Variants in MAML2 observed in about 807,000 individuals in gnomAD.
MAML2 encodes the protein mastermind-like protein 2.
Under a neutral mutation model 96.1 loss-of-function variants are expected in MAML2, and 22 were observed. The observed-to-expected ratio is 0.23, with a 90% CI of 0.16 to 0.33. The LOEUF (loss-of-function observed/expected upper bound fraction) is 0.33. MAML2 is among the 10% of genes least tolerant of loss of function. The probability of loss-of-function intolerance (pLI) is 1.00; values close to 1 mark genes in which losing one functional copy is unlikely to be tolerated. For synonymous variants in MAML2, 561 were observed against 521.3 expected, an observed-to-expected ratio of 1.08 and a Z score of -1.04; for missense variants, 1,367 against 1,392.4, an observed-to-expected ratio of 0.98 and a Z score of 0.29.
chr11:96,319,013 T>C (rs1318719195), intron 1 of MAML2, among the ~76,000 whole-genome samples: 1 of 152,228 alleles, frequency 6.6e-6, no homozygotes, highest in Non-Finnish European at 1.5e-5. Context: ...ACCAGTAGAA[T>C]ACGGCAGAAG....
In MAML2 at chr11:96,092,177, C is replaced by T. The variant is rs1315238143; in HGVS notation, c.1854G>A (p.Gln618=). Residue 618 remains glutamine, a synonymous_variant, in exon 2 of 5, where the codon CAG becomes CAA. Coordinates refer to ENST00000524717, the MANE Select transcript of MAML2 (RefSeq NM_032427.4). The surrounding 1 kb of genome is among the most constrained non-coding windows in gnomAD (Gnocchi z 4.1). ...GAGCTGAAATTGAACTCTGCTGTTG[C>T]TGTTGCTGTTGCTGTTGCTGCTGCT... The part of the protein sequence containing the change: ...QQQQQQQQQQ[Q]QQQSSISAQQ... 1 of 1,540,228 alleles carries T rather than the reference C, an allele frequency of 6.5e-7. No homozygotes were observed. The highest frequency in any genetic ancestry group is 2.0e-5 in the Admixed American group (1 of 49,726).
chr11:96,047,115 C>G (rs1858914259), intron 2 of MAML2, among the ~76,000 whole-genome samples: 1 of 152,124 alleles, frequency 6.6e-6, no homozygotes, highest in Non-Finnish European at 1.5e-5. Flanking sequence ...TGTGTTGTTC[C>G]TGGCCACTCA....
chr11:96,006,552 C>CTTT (rs61447709), intron 2 of MAML2, among the ~76,000 whole-genome samples: 1 of 144,764 alleles, frequency 6.9e-6, no homozygotes, highest in Non-Finnish European at 1.5e-5. Flanking sequence ...ATTGGAGTAT[C>CTTT]TTTTTTTTTT....
chr11:96,222,926 A>T (rs1271989064), intron 1 of MAML2, among the ~76,000 whole-genome samples: 1 of 152,166 alleles, frequency 6.6e-6, no homozygotes, highest in Non-Finnish European at 1.5e-5. Flanking sequence ...TATATTCATT[A>T]GTTATACTTT....
chr11:96,117,284 A>C (rs1239509877), intron 1 of MAML2, among the ~76,000 whole-genome samples: 1 of 140,314 alleles, frequency 7.1e-6, no homozygotes, highest in Non-Finnish European at 1.5e-5. Flanking sequence ...TCATGCTGCA[A>C]AGCTCTTTTT....
chr11:96,217,891 TTATGAAC>T (rs2135943915), intron 1 of MAML2, among the ~76,000 whole-genome samples: 1 of 152,342 alleles, frequency 6.6e-6, no homozygotes, highest in African/African-American at 2.4e-5. Flanking sequence ...ATTTTAGTGA[TTATGAAC>T]TATCTAGGCT....
At chr11:96,294,723 G>A (rs774537431) in intron 1 of MAML2, among the ~76,000 whole-genome samples, 12 of 152,206 alleles carry the variant, frequency 7.9e-5, no homozygotes, top group Non-Finnish European at 1.3e-4. Context: ...CTTATGCTAG[G>A]GACCATGCTT....
At chr11:96,124,685 G>A (rs1185746157) in intron 1 of MAML2, among the ~76,000 whole-genome samples, 4 of 152,114 alleles carry the variant, frequency 2.6e-5, no homozygotes, top group African/African-American at 9.7e-5. Flanking sequence ...ACACACGCGT[G>A]TGTGTGCGTG....
intron 1 of MAML2, among the ~76,000 whole-genome samples, chr11:96,337,715 G>A (rs1008495166): frequency 2.6e-5 from 4 of 152,154 alleles, no homozygotes; most frequent in East Asian, 1.9e-4. Context: ...ATTTAAAACC[G>A]ACAACTGAAA....
At chr11:96,051,864 C>T (rs1418320105) in intron 2 of MAML2, among the ~76,000 whole-genome samples, 1 of 152,242 alleles carries the variant, frequency 6.6e-6, no homozygotes, top group Non-Finnish European at 1.5e-5. Flanking sequence ...AAACTACTCT[C>T]TGACCCAACT....
chr11:96,265,578 A>C (rs1156450276), intron 1 of MAML2, among the ~76,000 whole-genome samples: 1 of 152,124 alleles, frequency 6.6e-6, no homozygotes, highest in Non-Finnish European at 1.5e-5. Flanking sequence ...CAAATGCTAC[A>C]TTTCCCAAGA....
chr11:96,192,083 T>C (rs1413320205), intron 1 of MAML2, among the ~76,000 whole-genome samples: 1 of 152,168 alleles, frequency 6.6e-6, no homozygotes. Context: ...GTTTCCCATC[T>C]CATGGATAAG....
At chr11:96,068,467 C>CACACACACACACACACAA (rs1859280331) in intron 2 of MAML2, among the ~76,000 whole-genome samples, 2 of 150,450 alleles carry the variant, frequency 1.3e-5, no homozygotes, top group Non-Finnish European at 2.9e-5. Flanking sequence ...CACACACACA[C>CACACACACACACACACAA]ACACACACAC....
intron 2 of MAML2, among the ~76,000 whole-genome samples, chr11:96,002,101 A>C (rs1418218788): frequency 6.6e-6 from 1 of 152,138 alleles, no homozygotes; most frequent in African/African-American, 2.4e-5. Flanking sequence ...GAGACCCAGT[A>C]CTGGCCCATT....
intron 1 of MAML2, among the ~76,000 whole-genome samples, chr11:96,200,138 A>G (rs1861796851): frequency 6.6e-6 from 1 of 152,226 alleles, no homozygotes. Context: ...GAACACAGTA[A>G]GAACCTTAGT....
chr11:96,219,760 G>C (rs1442153199), intron 1 of MAML2, among the ~76,000 whole-genome samples: 1 of 152,008 alleles, frequency 6.6e-6, no homozygotes, highest in African/African-American at 2.4e-5. Flanking sequence ...TGAGCATTTG[G>C]GATTACAGAT....
chr11:96,217,669 C>G (rs894292641), intron 1 of MAML2, among the ~76,000 whole-genome samples: 1 of 152,206 alleles, frequency 6.6e-6, no homozygotes, highest in Non-Finnish European at 1.5e-5. Flanking sequence ...TGGCAACTTT[C>G]TAGTTGATCA....
intron 2 of MAML2, among the ~76,000 whole-genome samples, chr11:96,083,804 C>G (rs1429379751): frequency 6.6e-6 from 1 of 152,156 alleles, no homozygotes; most frequent in Non-Finnish European, 1.5e-5. Context: ...CTGTATTCAA[C>G]TAGCTTGCAG....
intron 2 of MAML2, among the ~76,000 whole-genome samples, chr11:96,082,880 T>A (rs1045386881): frequency 6.6e-6 from 1 of 152,144 alleles, no homozygotes; most frequent in Non-Finnish European, 1.5e-5. Context: ...AGAGGAAGTA[T>A]GCTGACTGCA....
Sources: allele counts gnomAD v4.1 joint callset (sites outside exome capture counted in the v4.1 genomes callset), GRCh38; gene constraint gnomAD v4.1.1; non-coding constraint Gnocchi (gnomAD v3.1); transcripts MANE v1.5; gene names NCBI Gene and HGNC (gene_info 2026-07-23, HGNC 2026-07-21).